The following FER variants were observed in gnomAD, a reference collection of about 807,000 sequenced individuals.
FER encodes FER tyrosine kinase, also known as tyrosine-protein kinase Fer.
In FER, 63 loss-of-function variants were observed where a neutral mutation model predicts 111.0. The observed-to-expected ratio is 0.57, with a 90% CI of 0.46 to 0.70. The LOEUF (loss-of-function observed/expected upper bound fraction) is 0.70. FER is among the 30% of genes least tolerant of loss of function. The probability of loss-of-function intolerance (pLI) is 0.00; values close to 1 mark genes in which losing one functional copy is unlikely to be tolerated. For missense variants in FER, 914 were observed against 954.0 expected, an observed-to-expected ratio of 0.96 and a Z score of 0.55; for synonymous variants, 327 against 313.9, an observed-to-expected ratio of 1.04 and a Z score of -0.44.
intron 17 of FER, among the ~76,000 whole-genome samples, chr5:109,120,417 G>C (rs971115101): frequency 6.6e-6 from 1 of 151,992 alleles, no homozygotes. Flanking sequence ...TAGATGTATG[G>C]ATTTGTTTCT....
intron 16 of FER, among the ~76,000 whole-genome samples, chr5:109,078,257 C>A (rs528413133): frequency 4.6e-5 from 7 of 152,326 alleles, no homozygotes; most frequent in African/African-American, 1.7e-4. Context: ...ATGGAATCTA[C>A]AAACTGTCAC....
chr5:108,785,617 C>G, intron 2 of FER: 1 of 401,140 alleles, frequency 2.5e-6, no homozygotes, highest in South Asian at 2.0e-5. Context: ...AGTGGGGAGT[C>G]TCAGGCCTTA....
At chr5:109,179,536 C>A (rs1213260755) in intron 17 of FER, among the ~76,000 whole-genome samples, 1 of 152,158 alleles carries the variant, frequency 6.6e-6, no homozygotes, top group Admixed American at 6.5e-5. Context: ...GTTACTAGGA[C>A]AAGCTCCACT....
Position 108,767,313 on chromosome 5 carries a change from A to G in FER, c.-205-780A>G, listed in dbSNP as rs370718348. 1.3e-5 allele frequency among the ~76,000 whole-genome samples: 2 copies of G among 152,258 alleles called. 1 individual carries two copies. On this transcript the variant is annotated intron_variant, in intron 1 of 19. Transcript: ENST00000281092. ...GTGAGACTCCATCTCAAACAAACAA[A>G]CAAGCAAATAAATAAATAAAACATA...
chr5:108,820,292 G>C, intron 3 of FER: 1 of 985,392 alleles, frequency 1.0e-6, no homozygotes, highest in Non-Finnish European at 1.2e-6. Context: ...AAGATCACAG[G>C]ATGCTGGAAC....
intron 17 of FER, among the ~76,000 whole-genome samples, chr5:109,150,735 T>C (rs1754744349): frequency 1.3e-5 from 2 of 152,336 alleles, no homozygotes; most frequent in Middle Eastern, 3.4e-3. Context: ...TCTCCTTGCA[T>C]AGAAATTTAC....
chr5:109,083,544 C>T (rs544695938), intron 16 of FER, among the ~76,000 whole-genome samples: 7 of 151,934 alleles, frequency 4.6e-5, no homozygotes, highest in South Asian at 2.1e-4. Context: ...ATTTTATTTG[C>T]GACATTCCTC....
chr5:108,824,474 C>T (rs1759230504), intron 3 of FER, among the ~76,000 whole-genome samples: 1 of 152,054 alleles, frequency 6.6e-6, no homozygotes, highest in Admixed American at 6.6e-5. Context: ...CAACTTCTTT[C>T]ATCAATATCT....
At chr5:108,830,976 G>T (rs1338045381) in intron 3 of FER, among the ~76,000 whole-genome samples, 1 of 152,130 alleles carries the variant, frequency 6.6e-6, no homozygotes, top group African/African-American at 2.4e-5. Flanking sequence ...GTTGGATTAG[G>T]AGATACTGAG....
intron 1 of FER, among the ~76,000 whole-genome samples, chr5:108,756,614 A>G (rs957711651): frequency 6.6e-6 from 1 of 152,130 alleles, no homozygotes; most frequent in Non-Finnish European, 1.5e-5. Context: ...GTAATTAATT[A>G]TAGGTCAATA....
intron 17 of FER, among the ~76,000 whole-genome samples, chr5:109,158,719 C>G (rs567278490): frequency 3.9e-5 from 6 of 152,202 alleles, no homozygotes; most frequent in South Asian, 2.1e-4. Context: ...GCCTACTGAT[C>G]CTCTCAAAAA....
intron 16 of FER, among the ~76,000 whole-genome samples, chr5:109,073,908 T>G (rs142209901): frequency 0.012 from 1,821 of 152,288 alleles, 19 homozygotes; most frequent in Non-Finnish European, 0.02. Flanking sequence ...AAAAATACAT[T>G]ATTAATTTGT....
At chr5:108,888,370 C>T (rs1394392186) in intron 9 of FER, among the ~76,000 whole-genome samples, 1 of 151,860 alleles carries the variant, frequency 6.6e-6, no homozygotes, top group Non-Finnish European at 1.5e-5. Context: ...AGGAAACCAA[C>T]ACAAAATTAA....
At chr5:109,068,190 T>TG (rs1410898889) in intron 16 of FER, among the ~76,000 whole-genome samples, 1 of 151,880 alleles carries the variant, frequency 6.6e-6, no homozygotes, top group Non-Finnish European at 1.5e-5. Context: ...CTTTTTTTTT[T>TG]TTCATTTTTT....
intron 16 of FER, among the ~76,000 whole-genome samples, chr5:109,058,675 A>AAATGATAT (rs749762970): frequency 6.6e-6 from 1 of 151,278 alleles, no homozygotes; most frequent in African/African-American, 2.4e-5. Flanking sequence ...ACAATTTGAA[A>AAATGATAT]AATGATATAA....
Position 109,047,209 on chromosome 5 carries a change from CT to C in FER, c.1924+12del. 1 of 1,521,048 alleles carries C rather than the reference CT, an allele frequency of 6.6e-7. No homozygotes were observed. Among genetic ancestry groups the C allele is most frequent in the Admixed American group, 1.8e-5 (1 of 54,502 alleles). 94.2% of individuals were successfully genotyped at this position (1,521,048 alleles called of 1,614,324 possible). A position where few individuals can be genotyped will look rare whatever the true frequency, so the allele number is the denominator to read the frequency against. On this transcript the variant is annotated intron_variant, in intron 16 of 19. Coordinates refer to ENST00000281092, the MANE Select transcript of FER (RefSeq NM_005246.4). ...TGGAACTGGTTTCAGGTAATGTGAT[CT>C]GAGAATTTTTGCATGATGACATTTT...
At chr5:109,132,359 T>C (rs1042911913) in intron 17 of FER, among the ~76,000 whole-genome samples, 4 of 152,180 alleles carry the variant, frequency 2.6e-5, no homozygotes, top group African/African-American at 4.8e-5. Flanking sequence ...ATTTAATCTA[T>C]TGAGTGCTTA....
chr5:108,989,203 G>A (rs191620427), intron 13 of FER, among the ~76,000 whole-genome samples: 220 of 152,048 alleles, frequency 1.4e-3, no homozygotes, highest in Non-Finnish European at 2.9e-3. Flanking sequence ...GATGCTGAGT[G>A]TTACTCGTCT....
intron 13 of FER, among the ~76,000 whole-genome samples, chr5:108,995,442 G>T (rs942391237): frequency 6.7e-6 from 1 of 149,346 alleles, no homozygotes; most frequent in Non-Finnish European, 1.5e-5. Context: ...ACAGGCCCCA[G>T]TGTGTGATGT....
Sources: allele counts gnomAD v4.1 joint callset (sites outside exome capture counted in the v4.1 genomes callset), GRCh38; gene constraint gnomAD v4.1.1; transcripts MANE v1.5; gene names NCBI Gene and HGNC (gene_info 2026-07-23, HGNC 2026-07-21).